Variants in UGT1A10 observed in about 807,000 individuals in gnomAD.
UGT1A10 encodes the protein UDP glucuronosyltransferase family 1 member A10, also known as UDP-glucuronosyltransferase 1A10.
A neutral mutation model predicts 45.8 loss-of-function variants in UGT1A10; 49 were observed. That is an observed-to-expected ratio of 1.07 (90% confidence interval 0.85 to 1.36). UGT1A10 has a LOEUF of 1.36. UGT1A10 is among the 40% of genes most tolerant of loss of function. UGT1A10 has a pLI of 0.00. For synonymous variants in UGT1A10, 284 were observed against 249.7 expected (o/e 1.14, Z -1.29); for missense variants, 745 against 668.6 (o/e 1.11, Z -1.26).
chr2:233,719,552 A>G (rs2076779891), intron 1 of UGT1A10: 8 of 1,613,748 alleles, frequency 5.0e-6, no homozygotes, highest in South Asian at 4.4e-5. Context: ...GAGAGGTGTC[A>G]GTGGTGGATC....
At chr2:233,731,619 C>A (rs527896427) in intron 1 of UGT1A10, among the ~76,000 whole-genome samples, 1 of 152,252 alleles carries the variant, frequency 6.6e-6, no homozygotes, top group South Asian at 2.1e-4. Context: ...TGAACTCATC[C>A]TTTTTTATGG....
At chr2:233,695,065 G>C (rs1177586033) in intron 1 of UGT1A10, among the ~76,000 whole-genome samples, 1 of 151,672 alleles carries the variant, frequency 6.6e-6, no homozygotes, top group Non-Finnish European at 1.5e-5. Flanking sequence ...CTGTGCTATC[G>C]CACTTTGGAC....
At chr2:233,709,286 A>T (rs949787722) in intron 1 of UGT1A10, among the ~76,000 whole-genome samples, 3 of 152,102 alleles carry the variant, frequency 2.0e-5, no homozygotes, top group Admixed American at 2.0e-4. Context: ...TTACCCTTCA[A>T]TTAATGATAT....
chr2:233,646,578 G>T (rs1489783084), intron 1 of UGT1A10, among the ~76,000 whole-genome samples: 1 of 152,086 alleles, frequency 6.6e-6, no homozygotes, highest in Non-Finnish European at 1.5e-5. Flanking sequence ...AAGGTTCAAA[G>T]TTCCACAAAT....
chr2:233,682,881 T>G (rs780627124), intron 1 of UGT1A10: 119 of 1,513,054 alleles, frequency 7.9e-5, no homozygotes, highest in Non-Finnish European at 9.6e-5. Flanking sequence ...TCATTTACAT[T>G]TGTCCCATTT....
At chr2:233,694,761 A>G (rs1204986325) in intron 1 of UGT1A10, among the ~76,000 whole-genome samples, 2 of 152,204 alleles carry the variant, frequency 1.3e-5, no homozygotes, top group African/African-American at 4.8e-5. Flanking sequence ...CCACTGTGAA[A>G]AGGCAAGGGT....
intron 1 of UGT1A10, among the ~76,000 whole-genome samples, chr2:233,655,098 A>C (rs982557819): frequency 2.0e-5 from 3 of 152,180 alleles, no homozygotes; most frequent in African/African-American, 7.2e-5. Flanking sequence ...CAAAAAAAAG[A>C]AAGAAAGAAA....
intron 1 of UGT1A10, among the ~76,000 whole-genome samples, chr2:233,727,524 C>T (rs1429199465): frequency 6.6e-6 from 1 of 152,188 alleles, no homozygotes; most frequent in Non-Finnish European, 1.5e-5. Flanking sequence ...GAAGAGCACA[C>T]TACCAGGCGT....
chr2:233,758,656 C>T (rs35815287), intron 1 of UGT1A10, among the ~76,000 whole-genome samples: 1 of 152,054 alleles, frequency 6.6e-6, no homozygotes, highest in East Asian at 1.9e-4. Context: ...GAGAGGGTAC[C>T]CTAATTACCT....
At chr2:233,724,484 G>T (rs1426827388) in intron 1 of UGT1A10, among the ~76,000 whole-genome samples, 3 of 77,008 alleles carry the variant, frequency 3.9e-5, no homozygotes, top group Admixed American at 1.3e-4. Flanking sequence ...CTTCTCAGAC[G>T]GGGCGGCCGG....
intron 1 of UGT1A10, chr2:233,754,902 A>G: frequency 7.4e-7 from 1 of 1,352,320 alleles, no homozygotes. Flanking sequence ...CTGACCCCCC[A>G]AAATATTCTC....
At chr2:233,698,278 C>A (rs1233966249) in intron 1 of UGT1A10, among the ~76,000 whole-genome samples, 4 of 152,042 alleles carry the variant, frequency 2.6e-5, no homozygotes, top group Non-Finnish European at 5.9e-5. Context: ...CATTTCAACA[C>A]TATGAAAAAA....
intron 1 of UGT1A10, among the ~76,000 whole-genome samples, chr2:233,739,207 A>C (rs1231996785): frequency 6.6e-6 from 1 of 152,240 alleles, no homozygotes; most frequent in African/African-American, 2.4e-5. Context: ...CGTTTGCTGC[A>C]TGGATAGAGT....
At chr2:233,690,625 T>G in intron 1 of UGT1A10, 1 of 1,288,214 alleles carries the variant, frequency 7.8e-7, no homozygotes, top group Non-Finnish European at 1.0e-6. Flanking sequence ...GACACTCAAG[T>G]GATACCTGAG....
intron 1 of UGT1A10, chr2:233,755,013 G>A (rs1255177181): frequency 7.7e-7 from 1 of 1,294,530 alleles, no homozygotes; most frequent in Admixed American, 1.9e-5. Flanking sequence ...CTACTCGAAG[G>A]GGTCCTTGAA....
In UGT1A10 at chr2:233,729,814, C is replaced by T. The variant is rs776482922; in HGVS notation, c.856-37220C>T. The T allele has an allele frequency of 2.5e-6, 4 of 1,613,896 alleles. No homozygotes were observed. In the South Asian group the frequency reaches 3.3e-5, roughly 13 times the overall value. The stretch of plus-strand genomic sequence containing the variant: ...CTACATTTGCCATGCTTTTTCTGCT[C>T]CTTATGCAAGCCTTGCCTCTGAGCT... On this transcript the variant is annotated intron_variant, in intron 1 of 4. Coordinates refer to ENST00000344644, the MANE Select transcript of UGT1A10 (RefSeq NM_019075.4).
At chr2:233,696,110 A>C (rs2075324889) in intron 1 of UGT1A10, among the ~76,000 whole-genome samples, 1 of 152,238 alleles carries the variant, frequency 6.6e-6, no homozygotes, top group Admixed American at 6.5e-5. Flanking sequence ...AACAAAACAA[A>C]AAGAACTAGA....
intron 1 of UGT1A10, among the ~76,000 whole-genome samples, chr2:233,710,671 T>C (rs1171384560): frequency 1.3e-5 from 2 of 152,206 alleles, no homozygotes; most frequent in African/African-American, 2.4e-5. Flanking sequence ...TGTCAGATAG[T>C]TGTGTTTCTG....
intron 1 of UGT1A10, among the ~76,000 whole-genome samples, chr2:233,637,771 G>T (rs1439149100): frequency 6.6e-6 from 1 of 152,086 alleles, no homozygotes; most frequent in Non-Finnish European, 1.5e-5. Flanking sequence ...AATATCTCAT[G>T]TAAGTTCCCA....
Sources: gnomAD v4.1 joint callset for allele counts (sites outside exome capture counted in the v4.1 genomes callset) on GRCh38, gnomAD v4.1.1 for gene constraint, MANE v1.5 for transcripts, NCBI Gene and HGNC (gene_info 2026-07-23, HGNC 2026-07-21) for gene names.